Variants in FGF12 observed in about 807,000 individuals in gnomAD.
FGF12 encodes the protein fibroblast growth factor 12, also known as fibroblast growth factor 12B.
In FGF12, 14 loss-of-function variants were observed where a neutral mutation model predicts 23.6. The ratio of observed to expected loss-of-function variants is 0.59; its 90% CI spans 0.39 to 0.93. The LOEUF (loss-of-function observed/expected upper bound fraction) is 0.93. Among genes scored for constraint, FGF12 ranks in the 40% least tolerant of loss-of-function variants. FGF12 has a pLI of 0.00. For synonymous variants in FGF12, 62 were observed against 77.3 expected (o/e 0.80, Z 1.04); for missense variants, 175 against 217.8 (o/e 0.80, Z 1.24).
intron 2 of FGF12, among the ~76,000 whole-genome samples, chr3:192,659,136 C>T (rs6788998): frequency 0.56 from 85,497 of 151,954 alleles, 24,476 homozygotes; most frequent in East Asian, 0.67. Flanking sequence ...TGGACATCAT[C>T]TATTCTAAAA....
intron 4 of FGF12, among the ~76,000 whole-genome samples, chr3:192,185,164 C>T (rs1309893055): frequency 7.2e-5 from 11 of 152,152 alleles, no homozygotes; most frequent in African/African-American, 1.4e-4. Flanking sequence ...TTCTGACTCC[C>T]GTCATAGCTA....
intron 2 of FGF12, among the ~76,000 whole-genome samples, chr3:192,678,741 G>A (rs1057245221): frequency 9.2e-5 from 14 of 152,126 alleles, no homozygotes; most frequent in African/African-American, 3.4e-4. Context: ...AGAAAAACAG[G>A]GTCAGTGCAT....
intron 2 of FGF12, among the ~76,000 whole-genome samples, chr3:192,542,028 A>ATTT (rs35810428): frequency 1.5e-4 from 20 of 137,690 alleles, no homozygotes; most frequent in African/African-American, 4.5e-4. Context: ...CATGCCTGGC[A>ATTT]TTTTTTTTTT....
intron 2 of FGF12, among the ~76,000 whole-genome samples, chr3:192,630,652 A>G (rs1459106682): frequency 6.9e-6 from 1 of 145,258 alleles, no homozygotes; most frequent in East Asian, 2.0e-4. Context: ...TCCCAGGTTC[A>G]CCCCATTCTC....
At position 192,155,304 on chromosome 3, in the gene FGF12, G is replaced by A. The variant is rs529265902; in HGVS notation, c.428-11177C>T. On this transcript the variant is annotated intron_variant, in intron 5 of 5. Coordinates refer to ENST00000445105, the MANE Select transcript of FGF12 (RefSeq NM_004113.6). ...TTGCTCACGCTGGGAGCTGTAGACC[G>A]GAGCTGTTCCTATTCGGCCGTCTTT... Among the ~76,000 whole-genome samples the A allele has an allele frequency of 2.8e-4, 42 of 152,316 alleles. 1 individual carries two copies. The highest frequency in any genetic ancestry group is 8.2e-4 in the African/African-American group (34 of 41,578).
intron 4 of FGF12, among the ~76,000 whole-genome samples, chr3:192,229,652 T>G (rs1363381103): frequency 6.6e-6 from 1 of 152,078 alleles, no homozygotes; most frequent in African/African-American, 2.4e-5. Flanking sequence ...TTATGTAGTT[T>G]AAAATGAGGT....
chr3:192,325,851 T>G (rs554543381), intron 4 of FGF12, among the ~76,000 whole-genome samples: 16 of 152,220 alleles, frequency 1.1e-4, no homozygotes, highest in African/African-American at 3.9e-4. Context: ...CAGCACCATA[T>G]CAGCCTCAAT....
chr3:192,472,693 A>C (rs1367412118), intron 2 of FGF12, among the ~76,000 whole-genome samples: 1 of 152,152 alleles, frequency 6.6e-6, no homozygotes, highest in Non-Finnish European at 1.5e-5. Flanking sequence ...ACTCTGCTCC[A>C]GGAAGAGGGA....
intron 2 of FGF12, among the ~76,000 whole-genome samples, chr3:192,584,728 T>A (rs1713302457): frequency 6.6e-6 from 1 of 152,160 alleles, no homozygotes; most frequent in South Asian, 2.1e-4. Context: ...CCTCAGGCTA[T>A]CCTGTGATCA....
chr3:192,399,260 T>A lies in FGF12; in HGVS notation c.14-38722A>T, dbSNP rs367785602. ...TGATTAGGTCATGAAGCCTCTCTCC[T>A]CATGAATGGGATTAGTGGTCTTACA... On this transcript the variant is annotated intron_variant, in intron 2 of 5. Transcript: ENST00000445105. 2.4e-4 allele frequency among the ~76,000 whole-genome samples: 37 copies of A among 152,238 alleles called. No individual in the cohort carries two copies. The East Asian group carries it at 3.1e-3, about 13-fold the overall frequency.
intron 2 of FGF12, among the ~76,000 whole-genome samples, chr3:192,553,673 G>A (rs553092754): frequency 9.9e-5 from 15 of 152,232 alleles, no homozygotes; most frequent in African/African-American, 3.6e-4. Context: ...GAAAATTCGT[G>A]TCACTCATAC....
At chr3:192,537,067 C>T (rs770238044) in intron 2 of FGF12, among the ~76,000 whole-genome samples, 11 of 152,048 alleles carry the variant, frequency 7.2e-5, no homozygotes, top group Non-Finnish European at 1.3e-4. Context: ...TCTTTCTGTG[C>T]CTGGCTTATT....
rs780181490 is a variant in FGF12 at position 192,514,770 on chromosome 3, G to A, written c.14-154232C>T. Reference sequence around the variant, plus strand: ...CAAGAATCTTCATGGAGAAGCGCGTGTGTGGGGTTGGTCAACTCCCCGCCC... The same window carrying A: ...CAAGAATCTTCATGGAGAAGCGCGTATGTGGGGTTGGTCAACTCCCCGCCC... On this transcript the variant is annotated intron_variant, in intron 2 of 5. Coordinates refer to ENST00000445105, the MANE Select transcript of FGF12 (RefSeq NM_004113.6). This position sits in a 1 kb window ranked among gnomAD's most constrained non-coding sequence, Gnocchi z 4.9. 339 of 985,290 alleles carry A rather than the reference G, an allele frequency of 3.4e-4. No homozygotes were observed. Among genetic ancestry groups the A allele is most frequent in the Non-Finnish European group, 3.8e-4 (315 of 829,914 alleles). The allele number at this position is 985,290 out of a possible 1,614,324, so 61.0% of individuals were successfully genotyped here.
intron 5 of FGF12, among the ~76,000 whole-genome samples, chr3:192,167,772 A>AAT (rs1715301623): frequency 8.3e-3 from 127 of 15,332 alleles, no homozygotes; most frequent in Non-Finnish European, 0.015. Context: ...TATATATAAA[A>AAT]TTTTTTTTTT....
chr3:192,158,330 TTCTCTTTC>T (rs1182530177), intron 5 of FGF12, among the ~76,000 whole-genome samples: 5 of 79,622 alleles, frequency 6.3e-5, no homozygotes, highest in African/African-American at 3.5e-4. Flanking sequence ...CTTTCTTTCT[TTCTCTTTC>T]TTTCTTTCTT....
chr3:192,476,518 C>T (rs751672553), intron 2 of FGF12, among the ~76,000 whole-genome samples: 13 of 152,210 alleles, frequency 8.5e-5, no homozygotes, highest in Admixed American at 2.6e-4. Context: ...TTAAGTCCAA[C>T]AGCCTCACAG....
chr3:192,635,768 T>C (rs1214429830), intron 2 of FGF12, among the ~76,000 whole-genome samples: 2 of 152,188 alleles, frequency 1.3e-5, no homozygotes, highest in African/African-American at 2.4e-5. Context: ...TTTTAGTATA[T>C]GTTAGTGCTA....
chr3:192,299,163 G>T (rs879295395), intron 4 of FGF12, among the ~76,000 whole-genome samples: 1 of 152,186 alleles, frequency 6.6e-6, no homozygotes, highest in African/African-American at 2.4e-5. Context: ...TTTTACTTGG[G>T]TTTTGCATGA....
chr3:192,156,348 AACT>A (rs1714417610), intron 5 of FGF12, among the ~76,000 whole-genome samples: 1 of 152,210 alleles, frequency 6.6e-6, no homozygotes, highest in African/African-American at 2.4e-5. Context: ...GTTACTAGTT[AACT>A]ATGTCTCACT....
Sources: allele counts gnomAD v4.1 joint callset (sites outside exome capture counted in the v4.1 genomes callset), GRCh38; gene constraint gnomAD v4.1.1; non-coding constraint Gnocchi (gnomAD v3.1); transcripts MANE v1.5; gene names NCBI Gene and HGNC (gene_info 2026-07-23, HGNC 2026-07-21).